MAPRE2: variants seen among roughly 807,000 people sequenced by gnomAD.
MAPRE2 encodes microtubule-associated protein RP/EB family member 2.
MAPRE2 carries 13 observed loss-of-function variants against 43.2 expected under a neutral mutation model. The ratio of observed to expected loss-of-function variants is 0.30; its 90% CI spans 0.20 to 0.48. The LOEUF (loss-of-function observed/expected upper bound fraction) is 0.48. Among genes scored for constraint, MAPRE2 ranks in the 20% least tolerant of loss-of-function variants. The pLI is 0.99. For synonymous variants in MAPRE2, 135 were observed against 148.8 expected (o/e 0.91, Z 0.68); for missense variants, 161 against 400.2 (o/e 0.40, Z 5.10).
upstream of MAPRE2, among the ~76,000 whole-genome samples, chr18:35,038,380 A>T (rs935798552): frequency 7.2e-5 from 11 of 152,242 alleles, no homozygotes. Flanking sequence ...TACTGATTTT[A>T]GTCTTTACTG....
intron 2 of MAPRE2, among the ~76,000 whole-genome samples, chr18:35,032,898 T>C (rs1358785444): frequency 1.3e-5 from 2 of 152,200 alleles, no homozygotes. Context: ...TTAATTAACA[T>C]ATCCTTCCTG....
At chr18:35,114,786 C>T (rs1231337664) in intron 4 of MAPRE2, among the ~76,000 whole-genome samples, 1 of 152,148 alleles carries the variant, frequency 6.6e-6, no homozygotes, top group Non-Finnish European at 1.5e-5. Context: ...GGTCATTAAT[C>T]TTATATAGCT....
chr18:35,007,001 A>G (rs1029697260), intron 2 of MAPRE2, among the ~76,000 whole-genome samples: 3 of 152,218 alleles, frequency 2.0e-5, no homozygotes, highest in Non-Finnish European at 2.9e-5. Context: ...ACCCTGCATG[A>G]TGTTCCAACA....
chr18:35,136,485 A>C (rs1278454792), intron 6 of MAPRE2, among the ~76,000 whole-genome samples: 1 of 152,220 alleles, frequency 6.6e-6, no homozygotes, highest in East Asian at 1.9e-4. Context: ...TGGGGACATA[A>C]ATAAACTTGT....
At chr18:34,984,411 T>C (rs927616048) in intron 1 of MAPRE2, 14 of 152,134 alleles carry the variant, frequency 9.2e-5, no homozygotes, top group Admixed American at 7.9e-4. Flanking sequence ...AGCTGCAATT[T>C]ATAGACTGAA....
intron 4 of MAPRE2, among the ~76,000 whole-genome samples, chr18:35,124,988 C>G (rs1036503501): frequency 5.9e-5 from 9 of 152,166 alleles, no homozygotes; most frequent in Non-Finnish European, 1.3e-4. Flanking sequence ...CTCTGGAACC[C>G]TGGGGAAGCT....
intron 3 of MAPRE2, among the ~76,000 whole-genome samples, chr18:35,100,008 G>A (rs1010942671): frequency 2.6e-5 from 4 of 152,132 alleles, no homozygotes; most frequent in African/African-American, 9.7e-5. Flanking sequence ...CAGTGGCAAA[G>A]CCTTGTTCAA....
intron 1 of MAPRE2, among the ~76,000 whole-genome samples, chr18:35,057,821 T>A (rs1657567396): frequency 6.6e-6 from 1 of 152,166 alleles, no homozygotes; most frequent in Admixed American, 6.5e-5. Context: ...AAAGAAGTTT[T>A]GGGGACGATG....
intron 4 of MAPRE2, among the ~76,000 whole-genome samples, chr18:35,109,786 T>G (rs1278046273): frequency 6.6e-6 from 1 of 152,160 alleles, no homozygotes; most frequent in Non-Finnish European, 1.5e-5. Context: ...TACTGTTTAA[T>G]TGGAGTGTCC....
chr18:35,051,944 G>C (rs1293565445), intron 1 of MAPRE2, among the ~76,000 whole-genome samples: 3 of 152,126 alleles, frequency 2.0e-5, no homozygotes, highest in Non-Finnish European at 4.4e-5. Flanking sequence ...ACCCTGTATT[G>C]ATAAAAATCT....
intron 2 of MAPRE2, among the ~76,000 whole-genome samples, chr18:35,019,523 G>A (rs191874064): frequency 6.6e-6 from 1 of 151,976 alleles, no homozygotes; most frequent in South Asian, 2.1e-4. Context: ...CTATTATCAT[G>A]TGGCTAGTTT....
chr18:35,000,299 C>A (rs776900986), intron 1 of MAPRE2, among the ~76,000 whole-genome samples: 2 of 152,170 alleles, frequency 1.3e-5, no homozygotes, highest in African/African-American at 4.8e-5. Context: ...GATGCTTTAA[C>A]CTTGTGTTGA....
chr18:34,987,615 G>A (rs1382319029), intron 1 of MAPRE2, among the ~76,000 whole-genome samples: 4 of 151,898 alleles, frequency 2.6e-5, no homozygotes, highest in African/African-American at 9.7e-5. Context: ...ATTCCTAAAT[G>A]GCCATTTATA....
upstream of MAPRE2, among the ~76,000 whole-genome samples, chr18:35,037,499 C>G (rs903175026): frequency 6.6e-6 from 1 of 152,166 alleles, no homozygotes; most frequent in Non-Finnish European, 1.5e-5. Flanking sequence ...AATGCTGATG[C>G]TTGGTGACAG....
At chr18:35,138,691 T>G (rs553875561) in intron 6 of MAPRE2, among the ~76,000 whole-genome samples, 9 of 152,308 alleles carry the variant, frequency 5.9e-5, no homozygotes, top group Admixed American at 5.9e-4. Flanking sequence ...ATTCATTGAC[T>G]AATGAAAATG....
chr18:35,125,955 C>T (rs977899841), intron 4 of MAPRE2, among the ~76,000 whole-genome samples: 91 of 152,278 alleles, frequency 6.0e-4, no homozygotes, highest in Admixed American at 5.9e-3. Context: ...TATCTTGTTC[C>T]CCAAAACCCT....
chr18:35,001,210 TA>T (rs1176009097), intron 1 of MAPRE2, among the ~76,000 whole-genome samples: 1 of 152,124 alleles, frequency 6.6e-6, no homozygotes, highest in African/African-American at 2.4e-5. Context: ...AGAGATAAGT[TA>T]AAAAATACAG....
chr18:35,112,163 C>A (rs182659616), intron 4 of MAPRE2, among the ~76,000 whole-genome samples: 1 of 150,246 alleles, frequency 6.7e-6, no homozygotes, highest in East Asian at 2.0e-4. Flanking sequence ...AACACTGTTT[C>A]TTTCTTTCTT....
intron 2 of MAPRE2, among the ~76,000 whole-genome samples, chr18:35,035,507 T>G (rs1379818829): frequency 6.6e-6 from 1 of 151,852 alleles, no homozygotes; most frequent in African/African-American, 2.4e-5. Flanking sequence ...AAACTTAAAG[T>G]ATAATAAAAA....
Sources: allele counts gnomAD v4.1 joint callset (sites outside exome capture counted in the v4.1 genomes callset), GRCh38; gene constraint gnomAD v4.1.1; transcripts MANE v1.5; gene names NCBI Gene and HGNC (gene_info 2026-07-23, HGNC 2026-07-21).